Variants in CACUL1 observed in about 807,000 individuals in gnomAD.
CACUL1 encodes the protein CDK2-associated and cullin domain-containing protein 1.
Under a neutral mutation model 45.2 loss-of-function variants are expected in CACUL1, and 13 were observed. The observed-to-expected ratio is 0.29, with a 90% CI of 0.19 to 0.46. The LOEUF (loss-of-function observed/expected upper bound fraction) is 0.46, where lower values mean the gene tolerates loss of function less well. CACUL1 is among the 20% of genes least tolerant of loss of function. The pLI is 1.00. For synonymous variants in CACUL1, 197 were observed against 174.2 expected (o/e 1.13, Z -1.03); for missense variants, 421 against 471.4 (o/e 0.89, Z 0.99).
At chr10:118,687,397 C>T (rs1009648721) in intron 7 of CACUL1, among the ~76,000 whole-genome samples, 8 of 152,192 alleles carry the variant, frequency 5.3e-5, no homozygotes, top group African/African-American at 1.9e-4. Flanking sequence ...CATCCCCATT[C>T]CTTCTTCAAT....
intron 3 of CACUL1, among the ~76,000 whole-genome samples, chr10:118,722,869 C>T (rs1236240510): frequency 6.6e-6 from 1 of 152,168 alleles, no homozygotes; most frequent in African/African-American, 2.4e-5. Context: ...CATGGCAACA[C>T]CCAGAAGTTA....
chr10:118,723,871 TTC>T (rs551603497), intron 3 of CACUL1, among the ~76,000 whole-genome samples: 1 of 152,056 alleles, frequency 6.6e-6, no homozygotes, highest in Admixed American at 6.6e-5. Flanking sequence ...GTTCAAGCAA[TTC>T]TCTGTCTCAG....
In CACUL1 at chr10:118,681,375, T is replaced by C. The variant is rs1395046560; in HGVS notation, c.*4753A>G. ...CACATTTGAGTAAGTTATCCTGAAGTGTGTGGCTGTAATATTGACAAATAG... is the reference window on the plus strand; with the variant it reads ...CACATTTGAGTAAGTTATCCTGAAGCGTGTGGCTGTAATATTGACAAATAG... On this transcript the variant is annotated 3_prime_UTR_variant, in exon 9 of 9. Transcript: ENST00000369151. 1 of 152,226 alleles carries C rather than the reference T, an allele frequency of 6.6e-6. No individual in the cohort carries two copies. The highest frequency in any genetic ancestry group is 1.5e-5 in the Non-Finnish European group (1 of 68,026). The allele number at this position is 152,226 out of a possible 1,614,324, so 9.4% of individuals were successfully genotyped here.
intron 3 of CACUL1, among the ~76,000 whole-genome samples, chr10:118,718,530 A>C (rs1845568674): frequency 6.6e-6 from 1 of 152,354 alleles, no homozygotes; most frequent in South Asian, 2.1e-4. Flanking sequence ...CACAGGAGCT[A>C]GACAAACACC....
intron 3 of CACUL1, among the ~76,000 whole-genome samples, chr10:118,713,780 T>C (rs1172031880): frequency 2.0e-5 from 3 of 152,218 alleles, no homozygotes; most frequent in Non-Finnish European, 4.4e-5. Flanking sequence ...TGCTAAGGTA[T>C]AATCACACAT....
chr10:118,700,716 CAAA>C (rs59032746), intron 5 of CACUL1, among the ~76,000 whole-genome samples: 8 of 132,946 alleles, frequency 6.0e-5, no homozygotes, highest in African/African-American at 2.2e-4. Flanking sequence ...GACTCCGTCT[CAAA>C]AAAAAAAAAA....
At chr10:118,722,307 C>T (rs552863526) in intron 3 of CACUL1, among the ~76,000 whole-genome samples, 3 of 152,066 alleles carry the variant, frequency 2.0e-5, no homozygotes, top group South Asian at 4.2e-4. Flanking sequence ...AGGCTGGTCT[C>T]GATCTCCCGA....
chr10:118,736,033 T>C (rs1419605842), intron 1 of CACUL1, among the ~76,000 whole-genome samples: 1 of 152,166 alleles, frequency 6.6e-6, no homozygotes, highest in Non-Finnish European at 1.5e-5. Context: ...CTAATAAATC[T>C]GCCTGAATGT....
At chr10:118,695,033 G>A (rs911731563) in intron 6 of CACUL1, 108 bp downstream of exon 6, 1 of 695,770 alleles carries the variant, frequency 1.4e-6, no homozygotes, top group Non-Finnish European at 2.6e-6. Context: ...TTTTGCTCCA[G>A]CAAATCCAAG....
chr10:118,692,394 C>T (rs777837420), intron 6 of CACUL1: 3 of 151,960 alleles, frequency 2.0e-5, no homozygotes, highest in African/African-American at 4.8e-5. Context: ...TTTATTATAA[C>T]GAATATGTAC....
At chr10:118,730,623 G>C (rs1845689313) in intron 1 of CACUL1, among the ~76,000 whole-genome samples, 2 of 152,206 alleles carry the variant, frequency 1.3e-5, no homozygotes, top group Non-Finnish European at 2.9e-5. Context: ...AGAGAAGTTA[G>C]TATGAACCTG....
chr10:118,703,927 G>T (rs914261209), intron 4 of CACUL1, among the ~76,000 whole-genome samples: 1 of 151,980 alleles, frequency 6.6e-6, no homozygotes, highest in East Asian at 1.9e-4. Flanking sequence ...TGATTATCAA[G>T]GAAAGCAAAC....
chr10:118,746,814 T>G (rs190901556), intron 1 of CACUL1, among the ~76,000 whole-genome samples: 42 of 152,086 alleles, frequency 2.8e-4, no homozygotes, highest in African/African-American at 1.0e-3. Context: ...GGCAAGCAAA[T>G]GATCACATGA....
Position 118,686,722 on chromosome 10 carries a change from G to A in CACUL1, c.1026-81C>T, listed in dbSNP as rs17097963. On this transcript the variant is annotated intron_variant, in intron 7 of 8. Transcript: ENST00000369151. ...AGGATCAACATATTTGATAATAAAA[G>A]TATAGCAGACATTTCAGTTCTAACC... 0.022 allele frequency: 22,331 copies of A among 1,007,618 alleles called. 1,899 individuals are homozygous for A. The East Asian group carries it at 0.23, about 10-fold the overall frequency. The allele number at this position is 1,007,618 out of a possible 1,614,324, so 62.4% of individuals were successfully genotyped here.
At chr10:118,701,090 C>T (rs1845375307) in intron 5 of CACUL1, among the ~76,000 whole-genome samples, 1 of 152,154 alleles carries the variant, frequency 6.6e-6, no homozygotes, top group Admixed American at 6.5e-5. Context: ...AGGGCACTGT[C>T]CAATGACCTG....
At chr10:118,714,336 C>A (rs912667836) in intron 3 of CACUL1, among the ~76,000 whole-genome samples, 1 of 151,952 alleles carries the variant, frequency 6.6e-6, no homozygotes, top group Non-Finnish European at 1.5e-5. Context: ...TAGATCTTCC[C>A]AATGTTGATT....
intron 4 of CACUL1, 143 bp downstream of exon 4, chr10:118,707,349 C>T (rs1016400659): frequency 5.3e-5 from 26 of 491,140 alleles, no homozygotes; most frequent in South Asian, 2.8e-4. Context: ...CAACAACTAT[C>T]GCACATTACT....
At chr10:118,732,987 C>T (rs527259670) in intron 1 of CACUL1, among the ~76,000 whole-genome samples, 1 of 152,258 alleles carries the variant, frequency 6.6e-6, no homozygotes, top group East Asian at 1.9e-4. Flanking sequence ...TTAGATAACA[C>T]GCTCAAAAAG....
chr10:118,715,845 A>C (rs1415097506), intron 3 of CACUL1, among the ~76,000 whole-genome samples: 1 of 152,230 alleles, frequency 6.6e-6, no homozygotes, highest in Non-Finnish European at 1.5e-5. Context: ...GAAGGGATGG[A>C]AGAGAAGGAC....
Sources: gnomAD v4.1 joint callset for allele counts (sites outside exome capture counted in the v4.1 genomes callset) on GRCh38, gnomAD v4.1.1 for gene constraint, MANE v1.5 for transcripts, NCBI Gene and HGNC (gene_info 2026-07-23, HGNC 2026-07-21) for gene names.